MSX1: variants seen among roughly 807,000 people sequenced by gnomAD.
MSX1 encodes msh homeobox 1.
MSX1 carries 11 observed loss-of-function variants against 17.0 expected under a neutral mutation model. The observed-to-expected ratio is 0.65, with a 90% CI of 0.41 to 1.07. MSX1 has a LOEUF of 1.07. MSX1 is among the 50% of genes least tolerant of loss of function. MSX1 has a pLI of 0.00. For synonymous variants in MSX1, 253 were observed against 211.8 expected (o/e 1.19, Z -1.69); for missense variants, 477 against 440.1 (o/e 1.08, Z -0.75).
At position 4,862,904 on chromosome 4, in the gene MSX1, G is replaced by C. The variant is rs754108948; in HGVS notation, c.673G>C (p.Ala225Pro). 1 of 1,613,590 alleles carries C rather than the reference G, an allele frequency of 6.2e-7. No individual in the cohort carries two copies. The highest frequency in any genetic ancestry group is 1.1e-5 in the South Asian group (1 of 91,088). The change falls in exon 2 of 2, where the codon GCC becomes CCC. Residue 225 changes from alanine to proline, a missense_variant. Coordinates refer to ENST00000382723, the MANE Select transcript of MSX1 (RefSeq NM_002448.3). ...GAAGATATGGTTCCAGAACCGCCGC[G>C]CCAAGGCAAAGAGACTACAAGAGGC... ...QVKIWFQNRR[A>P]KAKRLQEAEL...
intron 1 of MSX1, among the ~76,000 whole-genome samples, chr4:4,861,656 C>T (rs1737918756): frequency 6.6e-6 from 1 of 152,216 alleles, no homozygotes; most frequent in South Asian, 2.1e-4. Flanking sequence ...CCCAAGACCC[C>T]GAAGTCAAAG....
intron 1 of MSX1, among the ~76,000 whole-genome samples, chr4:4,861,055 T>C (rs1737906027): frequency 6.6e-6 from 1 of 152,256 alleles, no homozygotes; most frequent in Admixed American, 6.5e-5. Context: ...CTCCAAGGCC[T>C]CACGGCCCCC....
rs1286830821 is a variant in MSX1, at chr4:4,859,942, A to C, written c.43A>C (p.Lys15Gln). Residue 15 changes from lysine to glutamine, a missense_variant, in exon 1 of 2, where the codon AAA (lysine) becomes CAA (glutamine). By Grantham distance (53) the Lys-to-Gln change is moderately conservative (BLOSUM62 1). Transcript: ENST00000382723. The stretch of plus-strand genomic sequence containing the variant: ...CATGACTTCTTTGCCACTCGGTGTC[A>C]AAGTGGAGGACTCCGCCTTCGGCAA... ...ADMTSLPLGV[K>Q]VEDSAFGKPA... The C allele has an allele frequency of 6.7e-7, 1 of 1,495,902 alleles. No individual in the cohort carries two copies. The highest frequency in any genetic ancestry group is 1.5e-5 in the African/African-American group (1 of 68,476). The allele number at this position is 1,495,902 out of a possible 1,614,324, so 92.7% of individuals were successfully genotyped here.
chr4:4,862,986 G>A lies in MSX1; in HGVS notation c.755G>A (p.Gly252Asp), dbSNP rs1218292784. 6.2e-7 allele frequency: 1 copy of A among 1,612,926 alleles called. No individual in the cohort carries two copies. Among genetic ancestry groups the A allele is most frequent in the Non-Finnish European group, 8.5e-7 (1 of 1,179,950 alleles). ...AKPMLPPAAFGLSFPLGGPAA... is the reference protein window; with the variant it reads ...AKPMLPPAAFDLSFPLGGPAA... ...CCCATGCTGCCACCGGCTGCCTTCG[G>A]CCTCTCCTTCCCTCTCGGCGGCCCC... Residue 252 changes from glycine to aspartate, a missense_variant, in exon 2 of 2, where the codon GGC becomes GAC. By Grantham distance (94) the Gly-to-Asp change is moderately conservative. Around this residue, in one of 3 missense-constraint regions of MSX1, gnomAD observed 114 missense variants for 106.3 expected, o/e 1.07. Transcript: ENST00000382723.
At position 4,863,110 on chromosome 4, in the gene MSX1, C is replaced by T. The variant is rs1431780086; in HGVS notation, c.879C>T (p.Ala293=). 1.9e-6 allele frequency: 3 copies of T among 1,608,938 alleles called. No homozygotes were observed. Among genetic ancestry groups the T allele is most frequent in the Non-Finnish European group, 2.5e-6 (3 of 1,179,578 alleles). ...TGGCGCCCGTGGGACTCTACACGGC[C>T]CATGTGGGCTACAGCATGTACCACC... The part of the protein sequence containing the change: ...LPVAPVGLYT[A]HVGYSMYHLT The change falls in exon 2 of 2, where the codon GCC becomes GCT. Residue 293 remains alanine, a synonymous_variant. Transcript: ENST00000382723.
intron 1 of MSX1, 151 bp downstream of exon 1, chr4:4,860,519 C>A: frequency 2.1e-6 from 2 of 963,352 alleles, no homozygotes; most frequent in Non-Finnish European, 3.1e-6. Context: ...CTTGCGCCTC[C>A]CTCCACTCCC....
Position 4,861,092 on chromosome 4 carries a change from C to G in MSX1, c.469+724C>G, listed in dbSNP as rs539265613. ...GGCTGCTCTACTCAGAGAACACGCT[C>G]GGAGATATTTCAGGAGCACGGGAAA... On this transcript the variant is annotated intron_variant, in intron 1 of 1. Coordinates refer to ENST00000382723, the MANE Select transcript of MSX1 (RefSeq NM_002448.3). Among the ~76,000 whole-genome samples, 21 of 152,394 alleles carry G rather than the reference C, an allele frequency of 1.4e-4. 1 individual carries two copies. Among genetic ancestry groups the G allele is most frequent in the Admixed American group, 1.0e-3 (16 of 15,314 alleles).
Position 4,863,204 on chromosome 4 carries a change from C to A in MSX1, c.*61C>A. ...TCCTCCAGCCCTGGTGCTGTACCCC[C>A]GACGTGCTCCCCTGCTCGGCACCGC... On this transcript the variant is annotated 3_prime_UTR_variant, in exon 2 of 2. Coordinates refer to ENST00000382723, the MANE Select transcript of MSX1 (RefSeq NM_002448.3). 6.6e-7 allele frequency: 1 copy of A among 1,512,918 alleles called. No individual in the cohort carries two copies. Among genetic ancestry groups the A allele is most frequent in the Non-Finnish European group, 8.9e-7 (1 of 1,123,346 alleles). 93.7% of individuals were successfully genotyped at this position (1,512,918 alleles called of 1,614,324 possible). A position where few individuals can be genotyped will look rare whatever the true frequency, so the allele number is the denominator to read the frequency against.
Position 4,859,938 on chromosome 4 carries a change from T to C in MSX1, c.39T>C (p.Gly13=). The C allele has an allele frequency of 6.7e-7, 1 of 1,496,460 alleles. No homozygotes were observed. Among genetic ancestry groups the C allele is most frequent in the Non-Finnish European group, 8.9e-7 (1 of 1,123,650 alleles). The allele number at this position is 1,496,460 out of a possible 1,614,324, so 92.7% of individuals were successfully genotyped here. ...PAADMTSLPL[G]VKVEDSAFGK... is the part of the protein sequence containing the mutation. ...CTGACATGACTTCTTTGCCACTCGGTGTCAAAGTGGAGGACTCCGCCTTCG... is the reference window on the plus strand; with the variant it reads ...CTGACATGACTTCTTTGCCACTCGGCGTCAAAGTGGAGGACTCCGCCTTCG... The change falls in exon 1 of 2, where the codon GGT becomes GGC. Residue 13 remains glycine (G), a synonymous_variant. Coordinates refer to ENST00000382723, the MANE Select transcript of MSX1 (RefSeq NM_002448.3).
chr4:4,862,575 C>T (rs765835788), intron 1 of MSX1, 126 bp from the exon 2 acceptor site: 5 of 1,133,668 alleles, frequency 4.4e-6, no homozygotes, highest in Non-Finnish European at 6.6e-6. Flanking sequence ...GCGCGATGCC[C>T]GGCACCGAGG....
Position 4,863,400 on chromosome 4 carries a change from A to C in MSX1, c.*257A>C, listed in dbSNP as rs1314301416. The C allele has an allele frequency of 7.9e-6, 4 of 509,528 alleles. No individual in the cohort carries two copies. The highest frequency in any genetic ancestry group is 3.5e-5 in the Admixed American group (1 of 28,170). The allele number at this position is 509,528 out of a possible 1,614,324, so 31.6% of individuals were successfully genotyped here. On this transcript the variant is annotated 3_prime_UTR_variant, in exon 2 of 2. Transcript: ENST00000382723. ...AAAGATGGGGAAACTGAGGGCAGAG[A>C]GGTTAACAGATTTATCTAAGGTCCC...
In MSX1 at chr4:4,860,196, G is replaced by T; in HGVS notation, c.297G>T (p.Pro99=). The T allele has an allele frequency of 6.6e-7, 1 of 1,522,580 alleles. No homozygotes were observed. The highest frequency in any genetic ancestry group is 1.4e-5 in the African/African-American group (1 of 70,358). 94.3% of individuals were successfully genotyped at this position (1,522,580 alleles called of 1,614,324 possible). A position where few individuals can be genotyped will look rare whatever the true frequency, so the allele number is the denominator to read the frequency against. The stretch of plus-strand genomic sequence containing the variant: ...GCTCGGCGCAGCCACTGGGCGTCCC[G>T]CCGGGGTCGCTGGGAGCCCCGGACG... ...AGGSAQPLGV[P]PGSLGAPDAP... The change falls in exon 1 of 2, where the codon CCG becomes CCT. Residue 99 remains proline, a synonymous_variant. Coordinates refer to ENST00000382723, the MANE Select transcript of MSX1 (RefSeq NM_002448.3).
chr4:4,859,961 T>C lies in MSX1; in HGVS notation c.62T>C (p.Phe21Ser). 6.7e-7 allele frequency: 1 copy of C among 1,493,368 alleles called. No individual in the cohort carries two copies. Among genetic ancestry groups the C allele is most frequent in the East Asian group, 2.8e-5 (1 of 35,390 alleles). The allele number at this position is 1,493,368 out of a possible 1,614,324, so 92.5% of individuals were successfully genotyped here. A position where few individuals can be genotyped will look rare whatever the true frequency, so the allele number is the denominator to read the frequency against. Residue 21 changes from phenylalanine (F) to serine (S), a missense_variant, in exon 1 of 2, where the codon TTC becomes TCC. This residue lies in a region of MSX1 where 355 missense variants were observed against 306.1 expected (regional missense o/e 1.16). Coordinates refer to ENST00000382723, the MANE Select transcript of MSX1 (RefSeq NM_002448.3). ...PLGVKVEDSA[F>S]GKPAGGGAGQ... is the part of the protein sequence containing the mutation. ...GGTGTCAAAGTGGAGGACTCCGCCT[T>C]CGGCAAGCCGGCGGGGGGAGGCGCG... is the stretch of plus-strand genomic sequence containing the variant.
In MSX1 at chr4:4,862,283, C is replaced by T. The variant is rs189156095; in HGVS notation, c.470-418C>T. 1.4e-3 allele frequency: 509 copies of T among 356,264 alleles called. 3 individuals are homozygous for T. The highest frequency in any genetic ancestry group is 9.9e-3 in the African/African-American group (469 of 47,468). 22.1% of individuals were successfully genotyped at this position (356,264 alleles called of 1,614,324 possible). A position where few individuals can be genotyped will look rare whatever the true frequency, so the allele number is the denominator to read the frequency against. On this transcript the variant is annotated intron_variant, in intron 1 of 1. Coordinates refer to ENST00000382723, the MANE Select transcript of MSX1 (RefSeq NM_002448.3). Reference sequence around the variant, plus strand: ...AAACTAAATGTGCCCTTGGGCTGGGCGCAGGGCCTCTTTCTGCATGTTCGT... The same window carrying T: ...AAACTAAATGTGCCCTTGGGCTGGGTGCAGGGCCTCTTTCTGCATGTTCGT...
In MSX1 at chr4:4,860,117, CG is replaced by C; in HGVS notation, c.223del (p.Ala75ProfsTer85). 2.0e-6 allele frequency: 3 copies of C among 1,516,110 alleles called. No homozygotes were observed. Among genetic ancestry groups the C allele is most frequent in the East Asian group, 2.7e-5 (1 of 37,604 alleles). 93.9% of individuals were successfully genotyped at this position (1,516,110 alleles called of 1,614,324 possible). On this transcript the variant is annotated frameshift_variant, in exon 1 of 2. Coordinates refer to ENST00000382723, the MANE Select transcript of MSX1 (RefSeq NM_002448.3). LOFTEE classifies it high-confidence loss of function. ...GCGCTCATGGCCGACCACAGGAAGC[CG>C]GGGGCCAAGGAGAGCGCCCTGGCGC... ...VEALMADHRK[P>X]GAKESALAPS...
chr4:4,859,867 A>C lies in MSX1; in HGVS notation c.-33A>C. On this transcript the variant is annotated 5_prime_UTR_variant, in exon 1 of 2. Coordinates refer to ENST00000382723, the MANE Select transcript of MSX1 (RefSeq NM_002448.3). ...CGGAGCCCATGCCCGGCGGCTGGCC[A>C]GTGCTGCGGCAGAAGGGGGGGCCCG... 1.4e-6 allele frequency: 2 copies of C among 1,453,790 alleles called. No homozygotes were observed. The highest frequency in any genetic ancestry group is 1.5e-5 in the African/African-American group (1 of 67,512). The allele number at this position is 1,453,790 out of a possible 1,614,324, so 90.1% of individuals were successfully genotyped here. A position where few individuals can be genotyped will look rare whatever the true frequency, so the allele number is the denominator to read the frequency against.
At chr4:4,861,957 G>C (rs1185628332) in intron 1 of MSX1, among the ~76,000 whole-genome samples, 1 of 152,018 alleles carries the variant, frequency 6.6e-6, no homozygotes, top group East Asian at 1.9e-4. Context: ...CTGGCGCCAG[G>C]GGTGAACGCG....
In MSX1 at chr4:4,859,883, G is replaced by A. The variant is rs564888599; in HGVS notation, c.-17G>A. 21 of 1,475,714 alleles carry A rather than the reference G, an allele frequency of 1.4e-5. No homozygotes were observed. In the African/African-American group the frequency reaches 2.1e-4, roughly 14 times the overall value. The allele number at this position is 1,475,714 out of a possible 1,614,324, so 91.4% of individuals were successfully genotyped here. A position where few individuals can be genotyped will look rare whatever the true frequency, so the allele number is the denominator to read the frequency against. On this transcript the variant is annotated 5_prime_UTR_variant, in exon 1 of 2. Coordinates refer to ENST00000382723, the MANE Select transcript of MSX1 (RefSeq NM_002448.3). ...CGGCTGGCCAGTGCTGCGGCAGAAG[G>A]GGGGGCCCGGCTCTGCATGGCCCCG...
rs575897210 is a variant in MSX1, at chr4:4,860,833, A to G, written c.469+465A>G. 5.3e-5 allele frequency among the ~76,000 whole-genome samples: 8 copies of G among 152,316 alleles called. No individual in the cohort carries two copies. In the South Asian group the frequency reaches 1.7e-3, roughly 32 times the overall value. On this transcript the variant is annotated intron_variant, in intron 1 of 1. Transcript: ENST00000382723. Reference sequence around the variant, plus strand: ...TGCCTAGAGGTTCCGAAGCTCCTACAGAATTCTACCTCCCCATGCCCTTTG... The same window carrying G: ...TGCCTAGAGGTTCCGAAGCTCCTACGGAATTCTACCTCCCCATGCCCTTTG...
Sources: allele counts gnomAD v4.1 joint callset (sites outside exome capture counted in the v4.1 genomes callset), GRCh38; gene constraint gnomAD v4.1.1; regional missense constraint gnomAD v4.1.1; transcripts MANE v1.5; gene names NCBI Gene and HGNC (gene_info 2026-07-23, HGNC 2026-07-21).